Variants in NME7 observed in about 807,000 individuals in gnomAD.
NME7 encodes the protein NME/NM23 family member 7, also known as nucleoside diphosphate kinase 7.
A neutral mutation model predicts 49.1 loss-of-function variants in NME7; 41 were observed. The observed-to-expected ratio is 0.83, with a 90% CI of 0.65 to 1.08. The LOEUF (loss-of-function observed/expected upper bound fraction) is 1.08, where lower values mean the gene tolerates loss of function less well. Ranked by LOEUF, NME7 falls within the 50% of genes least tolerant of loss-of-function variation. NME7 has a pLI of 0.00. For missense variants in NME7, 423 were observed against 463.4 expected, an observed-to-expected ratio of 0.91 and a Z score of 0.80; for synonymous variants, 139 against 150.6, an observed-to-expected ratio of 0.92 and a Z score of 0.56.
At chr1:169,253,755 G>T (rs1285578803) in intron 7 of NME7, among the ~76,000 whole-genome samples, 4 of 152,106 alleles carry the variant, frequency 2.6e-5, no homozygotes, top group Non-Finnish European at 5.9e-5. Flanking sequence ...CTAATTTATT[G>T]AGAGTTTTTA....
rs566119222 is a variant in NME7 at position 169,315,005 on chromosome 1, C to T, written c.279-4925G>A. ...GATTCAATTTACCAAGAAGATATAACAATTTAAATCACCTAGTAACATACC... is the reference window on the plus strand; with the variant it reads ...GATTCAATTTACCAAGAAGATATAATAATTTAAATCACCTAGTAACATACC... On this transcript the variant is annotated intron_variant, in intron 3 of 11. Coordinates refer to ENST00000367811, the MANE Select transcript of NME7 (RefSeq NM_013330.5). Among the ~76,000 whole-genome samples the T allele has an allele frequency of 5.3e-5, 8 of 152,114 alleles. No individual in the cohort carries two copies. The South Asian group carries it at 1.7e-3, about 31-fold the overall frequency.
intron 1 of NME7, among the ~76,000 whole-genome samples, chr1:169,367,473 C>G (rs1653917198): frequency 6.6e-6 from 1 of 152,088 alleles, no homozygotes; most frequent in South Asian, 2.1e-4. Flanking sequence ...GATGCCTTAC[C>G]CTAAATTTTC....
chr1:169,318,337 A>G (rs1292553563), intron 3 of NME7, among the ~76,000 whole-genome samples: 1 of 152,228 alleles, frequency 6.6e-6, no homozygotes, highest in African/African-American at 2.4e-5. Flanking sequence ...GGAGGGAAGA[A>G]TGGAGACTAA....
intron 11 of NME7, among the ~76,000 whole-genome samples, chr1:169,149,349 TA>T (rs146302326): frequency 6.6e-6 from 1 of 151,690 alleles, no homozygotes; most frequent in African/African-American, 2.4e-5. Context: ...TCAAAAATAA[TA>T]AAAAAATAAA....
intron 7 of NME7, among the ~76,000 whole-genome samples, chr1:169,258,375 C>T (rs954181133): frequency 1.2e-5 from 1 of 86,768 alleles, no homozygotes; most frequent in Admixed American, 1.1e-4. Context: ...TAAAATAAAA[C>T]ATATATATAT....
Position 169,307,175 on chromosome 1 carries a change from A to G in NME7, c.389+2795T>C, listed in dbSNP as rs1011727727. 3.3e-5 allele frequency among the ~76,000 whole-genome samples: 5 copies of G among 152,244 alleles called. No individual in the cohort carries two copies. The South Asian group carries it at 1.0e-3, about 31-fold the overall frequency. ...ATACGCTATATCGTGACCCTGTGAC[A>G]TAAGAAACATTTGTGAGTGAGCAGC... On this transcript the variant is annotated intron_variant, in intron 4 of 11. Coordinates refer to ENST00000367811, the MANE Select transcript of NME7 (RefSeq NM_013330.5).
chr1:169,221,264 T>C (rs1159520480), intron 10 of NME7, among the ~76,000 whole-genome samples: 1 of 152,208 alleles, frequency 6.6e-6, no homozygotes, highest in East Asian at 1.9e-4. Context: ...CTATTCTCAA[T>C]ACACTAGTAA....
At chr1:169,347,119 G>A (rs1056356818) in intron 1 of NME7, among the ~76,000 whole-genome samples, 2 of 152,164 alleles carry the variant, frequency 1.3e-5, no homozygotes, top group Non-Finnish European at 2.9e-5. Context: ...GCTGAGGCAC[G>A]AAGATCACTT....
intron 1 of NME7, 148 bp downstream of exon 1, chr1:169,367,560 G>T: frequency 1.2e-6 from 1 of 851,680 alleles, no homozygotes; most frequent in Non-Finnish European, 2.0e-6. Context: ...CGAGGAGACT[G>T]CAGGAACAGC....
At chr1:169,262,456 TG>T (rs1364145354) in intron 7 of NME7, among the ~76,000 whole-genome samples, 1 of 134,342 alleles carries the variant, frequency 7.4e-6, no homozygotes, top group Non-Finnish European at 1.8e-5. Context: ...TTTGGATATC[TG>T]GGGGCAGGGC....
chr1:169,325,298 A>C (rs546745737), intron 1 of NME7, among the ~76,000 whole-genome samples: 1 of 152,164 alleles, frequency 6.6e-6, no homozygotes, highest in South Asian at 2.1e-4. Flanking sequence ...GGGAGGGGCC[A>C]GCTTTAGTAT....
At position 169,341,384 on chromosome 1, in the gene NME7, G is replaced by GTATGAAA. The variant is rs562288306; in HGVS notation, c.4-16891_4-16885dup. 2.3e-4 allele frequency among the ~76,000 whole-genome samples: 35 copies of GTATGAAA among 152,354 alleles called. No homozygotes were observed. The East Asian group carries it at 6.0e-3, about 26-fold the overall frequency. On this transcript the variant is annotated intron_variant, in intron 1 of 11. Transcript: ENST00000367811. ...AGCCTCCACCTAGATTTCAGAGGAT[G>GTATGAAA]TATGAAAACACCTGGATGTCCAGGC...
At position 169,181,741 on chromosome 1, in the gene NME7, C is replaced by G. The variant is rs552068136; in HGVS notation, c.991-12187G>C. On this transcript the variant is annotated intron_variant, in intron 10 of 11. Transcript: ENST00000367811. ...CACAACACTATCTAAACCGCTTTGG[C>G]AAAGGACACTGATATTCTCCTAATT... 3.3e-5 allele frequency among the ~76,000 whole-genome samples: 5 copies of G among 152,292 alleles called. No homozygotes were observed. The South Asian group carries it at 1.0e-3, about 32-fold the overall frequency.
Position 169,132,759 on chromosome 1 carries a change from C to T in NME7, c.*26G>A. 1 of 1,608,852 alleles carries T rather than the reference C, an allele frequency of 6.2e-7. No individual in the cohort carries two copies. The highest frequency in any genetic ancestry group is 1.3e-5 in the African/African-American group (1 of 74,864). On this transcript the variant is annotated 3_prime_UTR_variant, in exon 12 of 12. Coordinates refer to ENST00000367811, the MANE Select transcript of NME7 (RefSeq NM_013330.5). ...TTCACTCTTGTCTAAATGTCCCAAC[C>T]TGTGACTTCTTTACTTTCCACACCA...
chr1:169,270,707 T>C (rs1649463179), intron 7 of NME7, among the ~76,000 whole-genome samples: 1 of 133,658 alleles, frequency 7.5e-6, no homozygotes, highest in South Asian at 2.3e-4. Context: ...AACTACGTGC[T>C]GGGAACTGTC....
At chr1:169,229,870 G>A (rs1327292146) in intron 10 of NME7, among the ~76,000 whole-genome samples, 1 of 151,958 alleles carries the variant, frequency 6.6e-6, no homozygotes, top group Non-Finnish European at 1.5e-5. Context: ...GCTGAGGCAG[G>A]AGAATCACTA....
chr1:169,183,466 A>C (rs1044601529), intron 10 of NME7, among the ~76,000 whole-genome samples: 1 of 152,234 alleles, frequency 6.6e-6, no homozygotes, highest in Non-Finnish European at 1.5e-5. Flanking sequence ...TCTGTTCACT[A>C]TAGTTGCAAG....
intron 10 of NME7, among the ~76,000 whole-genome samples, chr1:169,179,486 C>T (rs1054308943): frequency 6.6e-6 from 1 of 152,120 alleles, no homozygotes; most frequent in Non-Finnish European, 1.5e-5. Flanking sequence ...ATAAACTGTT[C>T]TATTATAAAG....
In NME7 at chr1:169,276,402, T is replaced by C. The variant is rs1369991988; in HGVS notation, c.754+10901A>G. Among the ~76,000 whole-genome samples, 4 of 133,706 alleles carry C rather than the reference T, an allele frequency of 3.0e-5. No individual in the cohort carries two copies. In the East Asian group the frequency reaches 6.0e-4, roughly 20 times the overall value. The allele number at this position is 133,706 out of a possible 152,430, so 87.7% of individuals were successfully genotyped here. A position where few individuals can be genotyped will look rare whatever the true frequency, so the allele number is the denominator to read the frequency against. On this transcript the variant is annotated intron_variant, in intron 7 of 11. Coordinates refer to ENST00000367811, the MANE Select transcript of NME7 (RefSeq NM_013330.5). ...TGTATTCAGAGATTCGACTTCTTCC[T>C]CGTTTAGTCTTGGGAGAGTGTATGT... is the stretch of plus-strand genomic sequence containing the variant.
Sources: allele counts gnomAD v4.1 joint callset (sites outside exome capture counted in the v4.1 genomes callset), GRCh38; gene constraint gnomAD v4.1.1; transcripts MANE v1.5; gene names NCBI Gene and HGNC (gene_info 2026-07-23, HGNC 2026-07-21).